Variants in PHF14 observed in about 807,000 individuals in gnomAD.
The protein encoded by PHF14 is PHD finger protein 14.
A neutral mutation model predicts 117.9 loss-of-function variants in PHF14; 55 were observed. That is an observed-to-expected ratio of 0.47 (90% CI 0.38 to 0.58). The LOEUF (loss-of-function observed/expected upper bound fraction) is 0.58, where lower values mean the gene tolerates loss of function less well. PHF14 is among the 20% of genes least tolerant of loss of function. PHF14 has a pLI of 0.00. For missense variants in PHF14, 978 were observed against 1,122.2 expected (o/e 0.87, Z 1.84); for synonymous variants, 409 against 368.6 (o/e 1.11, Z -1.26).
chr7:11,169,097 G>C (rs1317320018), intron 17 of PHF14, among the ~76,000 whole-genome samples: 1 of 151,756 alleles, frequency 6.6e-6, no homozygotes, highest in Admixed American at 6.6e-5. Context: ...TAAATTTATT[G>C]TTTTTTGTCA....
intron 1 of PHF14, 106 bp downstream of exon 1, chr7:10,974,430 G>T (rs1030193958): frequency 6.3e-6 from 6 of 950,296 alleles, no homozygotes; most frequent in Non-Finnish European, 8.3e-6. Flanking sequence ...GGGAAAGCAG[G>T]ATTGGTGGAC....
At chr7:10,987,094 T>C (rs1479493701) in intron 3 of PHF14, among the ~76,000 whole-genome samples, 2 of 152,206 alleles carry the variant, frequency 1.3e-5, no homozygotes, top group African/African-American at 4.8e-5. Flanking sequence ...AATTTATAAA[T>C]ATCCACTTCT....
chr7:11,065,696 T>G (rs1180679395), intron 16 of PHF14, among the ~76,000 whole-genome samples: 1 of 152,180 alleles, frequency 6.6e-6, no homozygotes, highest in Non-Finnish European at 1.5e-5. Flanking sequence ...ATTCCTCTCC[T>G]TGAGCCTATA....
chr7:10,999,050 C>CTGT (rs1293922096), intron 4 of PHF14, among the ~76,000 whole-genome samples: 1 of 152,078 alleles, frequency 6.6e-6, no homozygotes, highest in Non-Finnish European at 1.5e-5. Flanking sequence ...GGGTTTTTTG[C>CTGT]TGTTGTTGTT....
At chr7:11,086,356 C>A (rs900103618) in intron 16 of PHF14, among the ~76,000 whole-genome samples, 1 of 152,118 alleles carries the variant, frequency 6.6e-6, no homozygotes, top group Non-Finnish European at 1.5e-5. Flanking sequence ...AAATTTAGAT[C>A]ATCGCAGGTC....
intron 17 of PHF14, among the ~76,000 whole-genome samples, chr7:11,152,481 ATATAT>A (rs1287043906): frequency 6.6e-6 from 1 of 152,106 alleles, no homozygotes; most frequent in African/African-American, 2.4e-5. Flanking sequence ...TATATTTGTA[ATATAT>A]TCTGTATATA....
At position 11,038,709 on chromosome 7, in the gene PHF14, T is replaced by C. The variant is rs556385869; in HGVS notation, c.1981-51T>C. 9.6e-6 allele frequency: 7 copies of C among 730,794 alleles called. No individual in the cohort carries two copies. In the East Asian group the frequency reaches 2.1e-4, roughly 22 times the overall value. 45.3% of individuals were successfully genotyped at this position (730,794 alleles called of 1,614,324 possible). A position where few individuals can be genotyped will look rare whatever the true frequency, so the allele number is the denominator to read the frequency against. On this transcript the variant is annotated intron_variant, in intron 10 of 17. Transcript: ENST00000634607. ...TGTGGAATAGAAATGTAGATATTTCTTAAATTGTCAGATATTTTAATGAAG... is the reference window on the plus strand; with the variant it reads ...TGTGGAATAGAAATGTAGATATTTCCTAAATTGTCAGATATTTTAATGAAG...
chr7:11,032,406 A>G (rs1018061132), intron 7 of PHF14, among the ~76,000 whole-genome samples: 5 of 152,082 alleles, frequency 3.3e-5, no homozygotes, highest in Non-Finnish European at 7.4e-5. Context: ...AGTGCCAGGT[A>G]AGGTTCTCAA....
chr7:11,160,669 A>G (rs771938790), intron 17 of PHF14, among the ~76,000 whole-genome samples: 3 of 152,206 alleles, frequency 2.0e-5, no homozygotes, highest in Non-Finnish European at 4.4e-5. Context: ...GCTGACAATT[A>G]GCGATGTTGA....
intron 16 of PHF14, among the ~76,000 whole-genome samples, chr7:11,082,192 A>G (rs1037942070): frequency 1.3e-5 from 2 of 152,026 alleles, no homozygotes; most frequent in African/African-American, 4.8e-5. Context: ...AAAATTTTTA[A>G]AAAATCAGCT....
chr7:11,087,586 T>A (rs1786465931), intron 16 of PHF14, among the ~76,000 whole-genome samples: 1 of 152,214 alleles, frequency 6.6e-6, no homozygotes, highest in Admixed American at 6.5e-5. Flanking sequence ...CTCCAATGAT[T>A]GACTTCTAAG....
At chr7:10,996,027 G>A (rs780225430) in intron 4 of PHF14, among the ~76,000 whole-genome samples, 4 of 152,246 alleles carry the variant, frequency 2.6e-5, no homozygotes, top group Non-Finnish European at 5.9e-5. Flanking sequence ...TGGGCGCCAA[G>A]GCCGAGGAGG....
intron 16 of PHF14, chr7:11,071,304 A>G (rs764041152): frequency 4.4e-5 from 23 of 518,352 alleles, no homozygotes; most frequent in East Asian, 1.6e-4. Flanking sequence ...TTTGATCACA[A>G]GCTCCTGTGT....
At chr7:10,989,504 A>C (rs529422847) in intron 3 of PHF14, among the ~76,000 whole-genome samples, 1 of 152,238 alleles carries the variant, frequency 6.6e-6, no homozygotes, top group Admixed American at 6.5e-5. Flanking sequence ...ACAATCTATT[A>C]AATATGCAAG....
intron 4 of PHF14, among the ~76,000 whole-genome samples, chr7:11,001,276 C>T (rs1008548258): frequency 6.6e-6 from 1 of 152,044 alleles, no homozygotes; most frequent in Non-Finnish European, 1.5e-5. Flanking sequence ...TGATTAATAC[C>T]ACACTGTCTT....
rs528789838 is a variant in PHF14, at chr7:11,033,956, A to T, written c.1456-1684A>T. ...AGTAATTGTAAGTAAACCCTGTTTT[A>T]CTAATGTGGTAACTGAGGCCCAGAG... On this transcript the variant is annotated intron_variant, in intron 7 of 17. Transcript: ENST00000634607. Among the ~76,000 whole-genome samples the T allele has an allele frequency of 1.6e-4, 25 of 152,288 alleles. No homozygotes were observed. In the South Asian group the frequency reaches 4.8e-3, roughly 29 times the overall value.
chr7:11,103,695 G>A (rs914888754), intron 16 of PHF14: 2 of 984,384 alleles, frequency 2.0e-6, no homozygotes, highest in African/African-American at 1.7e-5. Context: ...TTAAACTTTA[G>A]GAATAGAGTA....
At chr7:11,168,955 A>G (rs574583429) in intron 17 of PHF14, among the ~76,000 whole-genome samples, 1 of 152,156 alleles carries the variant, frequency 6.6e-6, no homozygotes, top group African/African-American at 2.4e-5. Context: ...CATGCTTCCT[A>G]TTTTAGACCT....
rs530104765 is a variant in PHF14 at position 11,015,618 on chromosome 7, T to TA, written c.1205+1713dup. 2.8e-3 allele frequency among the ~76,000 whole-genome samples: 423 copies of TA among 152,222 alleles called. 1 individual carries two copies. The highest frequency in any genetic ancestry group is 9.8e-3 in the African/African-American group (408 of 41,546). The stretch of plus-strand genomic sequence containing the variant: ...TTTTAGGCAAGTGATGTAACCTTTT[T>TA]ATGCCTCAGTTTCCTTAGCAGTGTT... On this transcript the variant is annotated intron_variant, in intron 5 of 17. Transcript: ENST00000634607.
Sources: gnomAD v4.1 joint callset for allele counts (sites outside exome capture counted in the v4.1 genomes callset) on GRCh38, gnomAD v4.1.1 for gene constraint, MANE v1.5 for transcripts, NCBI Gene and HGNC (gene_info 2026-07-23, HGNC 2026-07-21) for gene names.